The following UMODL1 variants were observed in gnomAD, a reference collection of about 807,000 sequenced individuals.
UMODL1 encodes the protein uromodulin-like 1.
UMODL1 carries 128 observed loss-of-function variants against 136.3 expected under a neutral mutation model. That is an observed-to-expected ratio of 0.94 (90% CI 0.81 to 1.09). The LOEUF is 1.09. Among genes scored for constraint, UMODL1 ranks in the 50% least tolerant of loss-of-function variants. The pLI, the probability that UMODL1 is intolerant of heterozygous loss-of-function variation, is 0.00. For synonymous variants in UMODL1, 721 were observed against 720.0 expected (o/e 1.00, Z -0.02); for missense variants, 1,766 against 1,725.6 (o/e 1.02, Z -0.41).
chr21:42,101,927 G>T, intron 7 of UMODL1: 1 of 421,872 alleles, frequency 2.4e-6, no homozygotes, highest in Non-Finnish European at 4.5e-6. Context: ...CCGTGGGTAT[G>T]GGCTGTGTGT....
rs536121085 is a variant in UMODL1 at position 42,136,551 on chromosome 21, A to G, written c.3776-888A>G. ...AGTGGGTCAGCGCTTTACTCCTTTC[A>G]CGGTTGGGTCATGTTCCATTGCACG... On this transcript the variant is annotated intron_variant, in intron 21 of 22. Transcript: ENST00000408910. 4.0e-5 allele frequency among the ~76,000 whole-genome samples: 6 copies of G among 151,868 alleles called. No individual in the cohort carries two copies. The South Asian group carries it at 6.2e-4, about 16-fold the overall frequency.
intron 6 of UMODL1, among the ~76,000 whole-genome samples, chr21:42,095,095 T>G (rs1160409244): frequency 3.4e-5 from 4 of 118,334 alleles, no homozygotes; most frequent in Admixed American, 8.9e-5. Context: ...TGCTGTTTTT[T>G]TTTTTTTTTT....
chr21:42,125,615 C>T (rs988486627), intron 17 of UMODL1, among the ~76,000 whole-genome samples: 4 of 152,300 alleles, frequency 2.6e-5, no homozygotes, highest in African/African-American at 7.2e-5. Context: ...ACCTGGAGGC[C>T]GAGCGTTGGC....
intron 12 of UMODL1, 135 bp from the exon 13 acceptor site, chr21:42,113,438 A>G: frequency 1.8e-6 from 2 of 1,097,194 alleles, no homozygotes; most frequent in Non-Finnish European, 2.6e-6. Context: ...CTACTCACCC[A>G]TCACCTCGGC....
chr21:42,132,401 C>T (rs57897381), intron 21 of UMODL1, among the ~76,000 whole-genome samples: 8,260 of 151,786 alleles, frequency 0.054, 355 homozygotes, highest in East Asian at 0.22. Context: ...CATCCATCCA[C>T]TCATCCAACC....
intron 2 of UMODL1, among the ~76,000 whole-genome samples, chr21:42,082,539 CGTCAGG>C (rs1250006797): frequency 6.6e-6 from 1 of 152,202 alleles, no homozygotes; most frequent in Non-Finnish European, 1.5e-5. Flanking sequence ...TGGCACCCAC[CGTCAGG>C]GTGGCTGGCT....
intron 10 of UMODL1, among the ~76,000 whole-genome samples, chr21:42,110,603 G>A (rs1159643281): frequency 6.6e-6 from 1 of 152,214 alleles, no homozygotes; most frequent in Non-Finnish European, 1.5e-5. Context: ...CTGCATTCAA[G>A]CCCGGGTTTT....
At chr21:42,065,915 G>A (rs903197195) in intron 1 of UMODL1, among the ~76,000 whole-genome samples, 5 of 152,142 alleles carry the variant, frequency 3.3e-5, no homozygotes, top group Admixed American at 1.3e-4. Flanking sequence ...TCCAGACCAC[G>A]CTGCCCTCCG....
upstream of UMODL1, chr21:42,071,168 T>C: frequency 1.3e-6 from 1 of 784,914 alleles, no homozygotes; most frequent in Non-Finnish European, 1.8e-6. Context: ...GTGCTTCCTC[T>C]GAAGTCATTG....
intron 2 of UMODL1, among the ~76,000 whole-genome samples, chr21:42,082,162 G>A (rs1431529745): frequency 1.3e-5 from 2 of 152,226 alleles, no homozygotes; most frequent in African/African-American, 2.4e-5. Context: ...TGCATATTCC[G>A]TGACTCTGGC....
chr21:42,096,796 A>C (rs2066563526), intron 6 of UMODL1, among the ~76,000 whole-genome samples: 1 of 152,156 alleles, frequency 6.6e-6, no homozygotes, highest in Admixed American at 6.5e-5. Flanking sequence ...ACCATCCTCC[A>C]CCAACGTGGA....
intron 21 of UMODL1, among the ~76,000 whole-genome samples, chr21:42,133,519 A>G (rs1319784171): frequency 2.6e-5 from 4 of 152,168 alleles, no homozygotes; most frequent in African/African-American, 9.7e-5. Flanking sequence ...TCTTGGCACC[A>G]CCACAACAAA....
At position 42,103,938 on chromosome 21, in the gene UMODL1, C is replaced by T. The variant is rs1367039461; in HGVS notation, c.1370C>T (p.Ser457Phe). 6.2e-7 allele frequency: 1 copy of T among 1,614,182 alleles called. No homozygotes were observed. Among genetic ancestry groups the T allele is most frequent in the South Asian group, 1.1e-5 (1 of 91,080 alleles). Reference sequence around the variant, plus strand: ...GGGAAGCTGAGAATGCAGATCGTGTCTCTCCAGGCGGGAAGTGTGGTCGTG... The same window carrying T: ...GGGAAGCTGAGAATGCAGATCGTGTTTCTCCAGGCGGGAAGTGTGGTCGTG... ...RSGKLRMQIV[S>F]LQAGSVVVRL... Residue 457 changes from serine to phenylalanine, a missense_variant, in exon 9 of 23, where the codon TCT becomes TTT. By Grantham distance (155) the Ser-to-Phe change is radical. Coordinates refer to ENST00000408910, the MANE Select transcript of UMODL1 (RefSeq NM_001004416.3).
At chr21:42,139,592 C>T (rs184782999) in intron 22 of UMODL1, among the ~76,000 whole-genome samples, 325 of 152,242 alleles carry the variant, frequency 2.1e-3, no homozygotes, top group African/African-American at 7.3e-3. Context: ...CAAGGAAAGA[C>T]GAGAGGCCAA....
intron 14 of UMODL1, among the ~76,000 whole-genome samples, chr21:42,116,837 A>G (rs1204463019): frequency 6.6e-6 from 1 of 152,146 alleles, no homozygotes; most frequent in Non-Finnish European, 1.5e-5. Flanking sequence ...GCACTTTGGG[A>G]GGCTGAGGTG....
At chr21:42,071,692 G>A (rs542508955) in intron 1 of UMODL1, among the ~76,000 whole-genome samples, 1 of 152,148 alleles carries the variant, frequency 6.6e-6, no homozygotes, top group Admixed American at 6.5e-5. Flanking sequence ...GGTCTGGGGT[G>A]CAGGGCCTGG....
chr21:42,136,353 A>C (rs137920560), intron 21 of UMODL1, among the ~76,000 whole-genome samples: 10 of 152,348 alleles, frequency 6.6e-5, no homozygotes, highest in Non-Finnish European at 1.0e-4. Flanking sequence ...CTTCATACGC[A>C]TGAGTCCCTC....
rs1026657987 is a variant in UMODL1, at chr21:42,123,947, T to A, written c.3147+797T>A. 6.6e-6 allele frequency among the ~76,000 whole-genome samples: 1 copy of A among 152,058 alleles called. No homozygotes were observed. The highest frequency in any genetic ancestry group is 2.4e-5 in the African/African-American group (1 of 41,388). On this transcript the variant is annotated intron_variant, in intron 17 of 22. Coordinates refer to ENST00000408910, the MANE Select transcript of UMODL1 (RefSeq NM_001004416.3). This position sits in a 1 kb window ranked among gnomAD's most constrained non-coding sequence, Gnocchi z 4.4. ...AGGGAGCCCAGGTGGGGAAAGTGGG[T>A]TTTCCTGGCCTGAGGCCTTCGCACC...
At chr21:42,116,389 G>T (rs1226387723) in intron 14 of UMODL1, among the ~76,000 whole-genome samples, 1 of 151,834 alleles carries the variant, frequency 6.6e-6, no homozygotes, top group Non-Finnish European at 1.5e-5. Context: ...CATCCAACTA[G>T]GAATTTGACC....
Sources: allele counts gnomAD v4.1 joint callset (sites outside exome capture counted in the v4.1 genomes callset), GRCh38; gene constraint gnomAD v4.1.1; non-coding constraint Gnocchi (gnomAD v3.1); transcripts MANE v1.5; gene names NCBI Gene and HGNC (gene_info 2026-07-23, HGNC 2026-07-21).